Variants in TUBA8 observed in about 807,000 individuals in gnomAD.
The protein encoded by TUBA8 is tubulin alpha 8.
In TUBA8, 29 loss-of-function variants were observed where a neutral mutation model predicts 34.7. The observed-to-expected ratio is 0.84, with a 90% CI of 0.62 to 1.14. TUBA8 has a LOEUF of 1.14. Among genes scored for constraint, TUBA8 ranks in the 50% most tolerant of loss-of-function variants. The probability of loss-of-function intolerance (pLI) is 0.00; values close to 1 mark genes in which losing one functional copy is unlikely to be tolerated. For missense variants in TUBA8, 541 were observed against 599.2 expected, an observed-to-expected ratio of 0.90 and a Z score of 1.01; for synonymous variants, 226 against 231.2, an observed-to-expected ratio of 0.98 and a Z score of 0.21.
intron 1 of TUBA8, chr22:18,115,018 A>G (rs922500830): frequency 2.0e-5 from 3 of 152,174 alleles, no homozygotes; most frequent in African/African-American, 7.2e-5. Context: ...AAGGGCTGCA[A>G]AGTTCTAGAA....
intron 1 of TUBA8, chr22:18,113,890 GGTC>G (rs1238576719): frequency 6.6e-6 from 1 of 152,342 alleles, no homozygotes; most frequent in Non-Finnish European, 1.5e-5. Context: ...CCCAGCCTTG[GGTC>G]AGGCCCATAC....
intron 4 of TUBA8, 159 bp from the exon 5 acceptor site, chr22:18,130,684 T>C: frequency 1.1e-6 from 1 of 884,160 alleles, no homozygotes. Flanking sequence ...CCTGCTGGCT[T>C]CCCCAGTCCC....
chr22:18,126,314 C>A lies in TUBA8; in HGVS notation c.376-40C>A. 6.2e-7 allele frequency: 1 copy of A among 1,607,498 alleles called. No homozygotes were observed. Among genetic ancestry groups the A allele is most frequent in the Non-Finnish European group, 8.5e-7 (1 of 1,174,168 alleles). On this transcript the variant is annotated intron_variant, in intron 3 of 4. Transcript: ENST00000330423. This position sits in a 1 kb window ranked among gnomAD's most constrained non-coding sequence, Gnocchi z 4.0. Reference sequence around the variant, plus strand: ...TTTTACTGTGGGGTGTTCTCGGAAACTTGTCTTCATGATTTCTTCTCATGT... The same window carrying A: ...TTTTACTGTGGGGTGTTCTCGGAAAATTGTCTTCATGATTTCTTCTCATGT...
intron 3 of TUBA8, chr22:18,125,971 C>T: frequency 3.4e-6 from 1 of 294,900 alleles, no homozygotes; most frequent in Non-Finnish European, 6.5e-6. Flanking sequence ...AAGTGATCCT[C>T]CCACCTCAGC....
Position 18,111,633 on chromosome 22 carries a change from C to G in TUBA8, c.3+765C>G, listed in dbSNP as rs983462754. The G allele has an allele frequency of 6.6e-6, 1 of 152,266 alleles. No individual in the cohort carries two copies. The highest frequency in any genetic ancestry group is 2.4e-5 in the African/African-American group (1 of 41,396). 9.4% of individuals were successfully genotyped at this position (152,266 alleles called of 1,614,324 possible). ...CACTCAGTTCCTCTTTCTAGGGTCC[C>G]CCTCTCCGCCCCCAGTGCCCCTGGT... On this transcript the variant is annotated intron_variant, in intron 1 of 4. Coordinates refer to ENST00000330423, the MANE Select transcript of TUBA8 (RefSeq NM_018943.3). The surrounding 1 kb of genome is among the most constrained non-coding windows in gnomAD (Gnocchi z 5.1).
rs759452266 is a variant in TUBA8, at chr22:18,124,205, G to T, written c.276G>T (p.Leu92=). 4.3e-6 allele frequency: 7 copies of T among 1,614,222 alleles called. No homozygotes were observed. In the South Asian group the frequency reaches 7.7e-5, roughly 18 times the overall value. The part of the protein sequence containing the change: ...TYRQLFHPEQ[L]ITGKEDAANN... ...GCCAGCTCTTCCATCCAGAGCAGCTGATCACAGGAAAGGAGGATGCAGCCA... is the reference window on the plus strand; with the variant it reads ...GCCAGCTCTTCCATCCAGAGCAGCTTATCACAGGAAAGGAGGATGCAGCCA... Residue 92 remains leucine, a synonymous_variant, in exon 3 of 5, where the codon CTG becomes CTT. Coordinates refer to ENST00000330423, the MANE Select transcript of TUBA8 (RefSeq NM_018943.3). This position sits in a 1 kb window ranked among gnomAD's most constrained non-coding sequence, Gnocchi z 4.3.
chr22:18,114,631 T>C (rs2123693049), intron 1 of TUBA8: 1 of 122,102 alleles, frequency 8.2e-6, no homozygotes, highest in Non-Finnish European at 1.6e-5. Context: ...CTGACCTAGG[T>C]CCTAAGATAT....
rs1211205502 is a variant in TUBA8 at position 18,119,701 on chromosome 22, G to T, written c.4-1778G>T. The T allele has an allele frequency of 6.6e-6, 1 of 152,480 alleles. No individual in the cohort carries two copies. Among genetic ancestry groups the T allele is most frequent in the African/African-American group, 2.4e-5 (1 of 41,468 alleles). 9.4% of individuals were successfully genotyped at this position (152,480 alleles called of 1,614,324 possible). ...TGTAGCACAGAGACAGGACTAGAGTGGGGGCACAGTTGTAAAATTGAACTA... is the reference window on the plus strand; with the variant it reads ...TGTAGCACAGAGACAGGACTAGAGTTGGGGCACAGTTGTAAAATTGAACTA... On this transcript the variant is annotated intron_variant, in intron 1 of 4. Transcript: ENST00000330423. The surrounding 1 kb of genome is among the most constrained non-coding windows in gnomAD (Gnocchi z 5.9).
chr22:18,126,505 A>C lies in TUBA8; in HGVS notation c.527A>C (p.Gln176Pro). ...GAGTTTGCCATCTACCCAGCCCCCC[A>C]GGTCTCTACTGCAGTGGTGGAGCCC... Reference protein sequence around the residue: ...KLEFAIYPAPQVSTAVVEPYN... With the variant: ...KLEFAIYPAPPVSTAVVEPYN... The change falls in exon 4 of 5, where the codon CAG (glutamine) becomes CCG (proline). Residue 176 changes from glutamine (Q) to proline (P), a missense_variant. Transcript: ENST00000330423. The surrounding 1 kb of genome is among the most constrained non-coding windows in gnomAD (Gnocchi z 4.0). The C allele has an allele frequency of 1.9e-6, 3 of 1,614,080 alleles. No individual in the cohort carries two copies. The highest frequency in any genetic ancestry group is 1.1e-5 in the South Asian group (1 of 91,074).
Position 18,118,062 on chromosome 22 carries a change from A to G in TUBA8, c.4-3417A>G, listed in dbSNP as rs929201443. Reference sequence around the variant, plus strand: ...ATGTCGGGTTGGCCCACAGTTAGCGATGCTGAGATTGATCGCGGCCTTAGG... The same window carrying G: ...ATGTCGGGTTGGCCCACAGTTAGCGGTGCTGAGATTGATCGCGGCCTTAGG... On this transcript the variant is annotated intron_variant, in intron 1 of 4. Coordinates refer to ENST00000330423, the MANE Select transcript of TUBA8 (RefSeq NM_018943.3). This position sits in a 1 kb window ranked among gnomAD's most constrained non-coding sequence, Gnocchi z 4.0. 1 of 152,072 alleles carries G rather than the reference A, an allele frequency of 6.6e-6. No homozygotes were observed. Among genetic ancestry groups the G allele is most frequent in the African/African-American group, 2.4e-5 (1 of 41,402 alleles). The allele number at this position is 152,072 out of a possible 1,614,324, so 9.4% of individuals were successfully genotyped here.
intron 1 of TUBA8, chr22:18,113,361 T>G (rs1394804594): frequency 1.3e-5 from 2 of 152,182 alleles, no homozygotes; most frequent in Non-Finnish European, 2.9e-5. Flanking sequence ...CCATTCCCAG[T>G]GTTCTAGCAC....
rs1928145602 is a variant in TUBA8, at chr22:18,121,502, G to T, written c.27G>T (p.Val9=). The part of the protein sequence containing the change: MRECISVH[V]GQAGVQIGNA... ...AGCGGGAATGCATATCAGTCCACGTGGGCCAAGCGGGAGTTCAGATTGGCA... is the reference window on the plus strand; with the variant it reads ...AGCGGGAATGCATATCAGTCCACGTTGGCCAAGCGGGAGTTCAGATTGGCA... Residue 9 remains valine, a synonymous_variant, in exon 2 of 5, where the codon GTG becomes GTT. Transcript: ENST00000330423. The surrounding 1 kb of genome is among the most constrained non-coding windows in gnomAD (Gnocchi z 4.8). 1 of 1,614,030 alleles carries T rather than the reference G, an allele frequency of 6.2e-7. No individual in the cohort carries two copies. The highest frequency in any genetic ancestry group is 1.3e-5 in the African/African-American group (1 of 74,916).
Position 18,119,387 on chromosome 22 carries a change from C to T in TUBA8, c.4-2092C>T, listed in dbSNP as rs1017795306. 2 of 152,202 alleles carry T rather than the reference C, an allele frequency of 1.3e-5. No homozygotes were observed. The highest frequency in any genetic ancestry group is 2.9e-5 in the Non-Finnish European group (2 of 68,042). 9.4% of individuals were successfully genotyped at this position (152,202 alleles called of 1,614,324 possible). A position where few individuals can be genotyped will look rare whatever the true frequency, so the allele number is the denominator to read the frequency against. On this transcript the variant is annotated intron_variant, in intron 1 of 4. Transcript: ENST00000330423. The surrounding 1 kb of genome is among the most constrained non-coding windows in gnomAD (Gnocchi z 5.9). The stretch of plus-strand genomic sequence containing the variant: ...ACTTCCCGGTGCAGAAAAATGCTAC[C>T]AGGTAGTACCGTAATGAAAATGATA...
rs1432204610 is a variant in TUBA8, at chr22:18,131,229, C to G, written c.*93C>G. On this transcript the variant is annotated 3_prime_UTR_variant, in exon 5 of 5. Transcript: ENST00000330423. The surrounding 1 kb of genome is among the most constrained non-coding windows in gnomAD (Gnocchi z 5.3). The stretch of plus-strand genomic sequence containing the variant: ...AACAGAACACTCTCCCCGCCCCAGC[C>G]TGATTCCTGCCTTACCCAGGAGGAG... The G allele has an allele frequency of 5.7e-6, 8 of 1,409,918 alleles. No homozygotes were observed. The highest frequency in any genetic ancestry group is 7.9e-6 in the Non-Finnish European group (8 of 1,010,974). 87.3% of individuals were successfully genotyped at this position (1,409,918 alleles called of 1,614,324 possible). A position where few individuals can be genotyped will look rare whatever the true frequency, so the allele number is the denominator to read the frequency against.
intron 1 of TUBA8, chr22:18,112,314 A>G (rs1192157577): frequency 2.0e-5 from 3 of 152,192 alleles, no homozygotes; most frequent in African/African-American, 7.2e-5. Flanking sequence ...TACATCATCT[A>G]AGTTCAATAA....
At chr22:18,114,746 G>A (rs1927915758) in intron 1 of TUBA8, 1 of 152,102 alleles carries the variant, frequency 6.6e-6, no homozygotes, top group African/African-American at 2.4e-5. Context: ...CAGGGAGTGT[G>A]GGTGGTGCCA....
chr22:18,114,971 T>C lies in TUBA8; in HGVS notation c.3+4103T>C, dbSNP rs963813691. The C allele has an allele frequency of 2.6e-5, 4 of 151,644 alleles. No homozygotes were observed. In the East Asian group the frequency reaches 7.7e-4, roughly 29 times the overall value. The allele number at this position is 151,644 out of a possible 1,614,324, so 9.4% of individuals were successfully genotyped here. A position where few individuals can be genotyped will look rare whatever the true frequency, so the allele number is the denominator to read the frequency against. On this transcript the variant is annotated intron_variant, in intron 1 of 4. Transcript: ENST00000330423. ...CTATTAAAATAGAATATAAGAATGATGTAAAAAAAAAAGGGCTTCTTGCAG... is the reference window on the plus strand; with the variant it reads ...CTATTAAAATAGAATATAAGAATGACGTAAAAAAAAAAGGGCTTCTTGCAG...
chr22:18,121,448 C>T lies in TUBA8; in HGVS notation c.4-31C>T. ...CAAAGGCATGCTGGGGGCCCAGACT[C>T]TCTGACCTCGTTGCTTCCCTCTCCC... is the stretch of plus-strand genomic sequence containing the variant. On this transcript the variant is annotated intron_variant, in intron 1 of 4. Transcript: ENST00000330423. The surrounding 1 kb of genome is among the most constrained non-coding windows in gnomAD (Gnocchi z 4.8). 1.2e-6 allele frequency: 2 copies of T among 1,600,682 alleles called. No homozygotes were observed. The highest frequency in any genetic ancestry group is 2.2e-5 in the South Asian group (2 of 90,834).
At position 18,126,774 on chromosome 22, in the gene TUBA8, C is replaced by A; in HGVS notation, c.796C>A (p.His266Asn). The change falls in exon 4 of 5, where the codon CAC becomes AAC. Residue 266 changes from histidine to asparagine, a missense_variant. Coordinates refer to ENST00000330423, the MANE Select transcript of TUBA8 (RefSeq NM_018943.3). The surrounding 1 kb of genome is among the most constrained non-coding windows in gnomAD (Gnocchi z 4.0). ...QTNLVPYPRI[H>N]FPLVTYAPII... ...CAACCTGGTGCCCTACCCCCGCATC[C>A]ACTTCCCGCTGGTCACCTACGCGCC... 1 of 1,614,118 alleles carries A rather than the reference C, an allele frequency of 6.2e-7. No individual in the cohort carries two copies. The highest frequency in any genetic ancestry group is 8.5e-7 in the Non-Finnish European group (1 of 1,180,016).
Sources: allele counts gnomAD v4.1 joint callset, GRCh38; gene constraint gnomAD v4.1.1; non-coding constraint Gnocchi (gnomAD v3.1); transcripts MANE v1.5; gene names NCBI Gene and HGNC (gene_info 2026-07-23, HGNC 2026-07-21).